Variants in TMEM108 observed in about 807,000 individuals in gnomAD.
The protein encoded by TMEM108 is cancer/testis antigen 124.
In TMEM108, 12 loss-of-function variants were observed where a neutral mutation model predicts 35.1. The ratio of observed to expected loss-of-function variants is 0.34; its 90% confidence interval spans 0.22 to 0.55. The LOEUF is 0.55. Among genes scored for constraint, TMEM108 ranks in the 20% least tolerant of loss-of-function variants. The pLI, the probability that TMEM108 is intolerant of heterozygous loss-of-function variation, is 0.89. For synonymous variants in TMEM108, 287 were observed against 308.6 expected, an observed-to-expected ratio of 0.93 and a Z score of 0.73; for missense variants, 680 against 753.3, an observed-to-expected ratio of 0.90 and a Z score of 1.14.
intron 2 of TMEM108, among the ~76,000 whole-genome samples, chr3:133,228,611 T>C (rs1946108696): frequency 6.6e-6 from 1 of 152,106 alleles, no homozygotes; most frequent in South Asian, 2.1e-4. Context: ...GGAGAAAAAT[T>C]AAATTAAAAA....
intron 3 of TMEM108, among the ~76,000 whole-genome samples, chr3:133,279,818 C>G (rs1192492143): frequency 6.6e-6 from 1 of 152,166 alleles, no homozygotes; most frequent in African/African-American, 2.4e-5. Flanking sequence ...ATGAGCTTGT[C>G]AGGGCCTATG....
chr3:133,051,768 T>C (rs577634447), intron 2 of TMEM108, among the ~76,000 whole-genome samples: 1 of 152,272 alleles, frequency 6.6e-6, no homozygotes, highest in South Asian at 2.1e-4. Context: ...GTTGCTTTGT[T>C]GTACTGCCTT....
chr3:133,101,761 C>T (rs1944090509), intron 2 of TMEM108, among the ~76,000 whole-genome samples: 1 of 152,164 alleles, frequency 6.6e-6, no homozygotes. Flanking sequence ...GGAACAAGAC[C>T]TTTCCTTTGA....
chr3:133,074,278 C>G (rs1436695988), intron 2 of TMEM108: 1 of 152,058 alleles, frequency 6.6e-6, no homozygotes, highest in Non-Finnish European at 1.5e-5. Context: ...TGATTCCCCC[C>G]CAACAAGCAA....
At chr3:133,233,415 A>G (rs1946185728) in intron 3 of TMEM108, among the ~76,000 whole-genome samples, 1 of 152,180 alleles carries the variant, frequency 6.6e-6, no homozygotes, top group Non-Finnish European at 1.5e-5. Context: ...TATATGTGCC[A>G]CATTTTCTTA....
chr3:133,150,019 C>T lies in TMEM108; in HGVS notation c.-46-79247C>T, dbSNP rs78200079. Among the ~76,000 whole-genome samples the T allele has an allele frequency of 5.2e-3, 787 of 152,180 alleles. 5 individuals are homozygous for T. Among genetic ancestry groups the T allele is most frequent in the Admixed American group, 0.012 (189 of 15,274 alleles). On this transcript the variant is annotated intron_variant, in intron 2 of 5. Coordinates refer to ENST00000321871, the MANE Select transcript of TMEM108 (RefSeq NM_023943.4). ...GGATATATACCCAGAAGTAGGAGTG[C>T]AGGATCATATGGCAGCTCTATTAGT...
At chr3:133,216,784 G>A (rs1280236558) in intron 2 of TMEM108, among the ~76,000 whole-genome samples, 2 of 152,004 alleles carry the variant, frequency 1.3e-5, no homozygotes, top group African/African-American at 2.4e-5. Context: ...ATGCTGAATG[G>A]TATTCCATTG....
intron 2 of TMEM108, among the ~76,000 whole-genome samples, chr3:133,200,311 C>G (rs2107825921): frequency 6.6e-6 from 1 of 152,260 alleles, no homozygotes; most frequent in African/African-American, 2.4e-5. Context: ...TGAGATGAAC[C>G]CAGTATCTCA....
chr3:133,124,414 G>C (rs1944389892), intron 2 of TMEM108, among the ~76,000 whole-genome samples: 1 of 152,182 alleles, frequency 6.6e-6, no homozygotes, highest in Admixed American at 6.5e-5. Context: ...GGTTCTCTGA[G>C]AATTAAAATT....
Position 133,329,638 on chromosome 3 carries a change from T to G in TMEM108, c.41-50114T>G, listed in dbSNP as rs150356981. ...GAGAGATTTTACTTATCCTTTCCTT[T>G]CCTCAGAAAGCCTCCTTTTTTTTAT... On this transcript the variant is annotated intron_variant, in intron 3 of 5. Transcript: ENST00000321871. 3.9e-5 allele frequency among the ~76,000 whole-genome samples: 6 copies of G among 152,328 alleles called. No individual in the cohort carries two copies. The East Asian group carries it at 1.2e-3, about 29-fold the overall frequency.
chr3:133,314,888 A>G (rs1427369256), intron 3 of TMEM108, among the ~76,000 whole-genome samples: 3 of 152,368 alleles, frequency 2.0e-5, no homozygotes, highest in Admixed American at 6.5e-5. Flanking sequence ...CTGGATTTGC[A>G]TAGCTCTTTG....
chr3:133,167,859 G>A (rs1446167511), intron 2 of TMEM108, among the ~76,000 whole-genome samples: 1 of 152,140 alleles, frequency 6.6e-6, no homozygotes, highest in African/African-American at 2.4e-5. Context: ...CGGCGGGCTG[G>A]GCTCCTCAAG....
At chr3:133,377,187 A>G (rs1708384) in intron 3 of TMEM108, among the ~76,000 whole-genome samples, 64,541 of 152,034 alleles carry the variant, frequency 0.42, 13,882 homozygotes, top group African/African-American at 0.49. Context: ...GTCACATTCT[A>G]AGGTACTGGG....
At chr3:133,395,670 T>TAC (rs143963605) in intron 5 of TMEM108, among the ~76,000 whole-genome samples, 194 bp from the exon 6 acceptor site, 3,012 of 151,442 alleles carry the variant, frequency 0.02, 91 homozygotes, top group African/African-American at 0.065. Flanking sequence ...AATATACACA[T>TAC]ACACACACAC....
At chr3:133,197,381 G>A (rs1053966452) in intron 2 of TMEM108, among the ~76,000 whole-genome samples, 1 of 152,132 alleles carries the variant, frequency 6.6e-6, no homozygotes, top group Non-Finnish European at 1.5e-5. Context: ...CGCAGTGGTA[G>A]AGTGAGGAAA....
chr3:133,227,159 T>TTATA (rs147110835), intron 2 of TMEM108, among the ~76,000 whole-genome samples: 3 of 151,606 alleles, frequency 2.0e-5, no homozygotes, highest in African/African-American at 7.3e-5. Context: ...GCGCAAGTAT[T>TTATA]TATATAATCT....
At chr3:133,293,810 T>C (rs750712492) in intron 3 of TMEM108, among the ~76,000 whole-genome samples, 15 of 152,162 alleles carry the variant, frequency 9.9e-5, no homozygotes, top group South Asian at 4.2e-4. Context: ...TCACAGTGTC[T>C]TGTCTAGTTC....
chr3:133,112,341 T>C (rs1944236030), intron 2 of TMEM108, among the ~76,000 whole-genome samples: 1 of 152,214 alleles, frequency 6.6e-6, no homozygotes, highest in Non-Finnish European at 1.5e-5. Context: ...CCTAGTTAGA[T>C]GGCTTTTTTA....
At chr3:133,172,795 G>A (rs1945149672) in intron 2 of TMEM108, among the ~76,000 whole-genome samples, 3 of 152,310 alleles carry the variant, frequency 2.0e-5, no homozygotes, top group Admixed American at 2.0e-4. Flanking sequence ...CAATTCCCAT[G>A]TATTGCAGGA....
Sources: gnomAD v4.1 joint callset for allele counts (sites outside exome capture counted in the v4.1 genomes callset) on GRCh38, gnomAD v4.1.1 for gene constraint, MANE v1.5 for transcripts, NCBI Gene and HGNC (gene_info 2026-07-23, HGNC 2026-07-21) for gene names.